CBLB: variants seen among roughly 807,000 people sequenced by gnomAD.
CBLB encodes the protein E3 ubiquitin-protein ligase CBL-B.
Under a neutral mutation model 104.9 loss-of-function variants are expected in CBLB, and 31 were observed. The ratio of observed to expected loss-of-function variants is 0.30; its 90% CI spans 0.22 to 0.40. The LOEUF is 0.40. CBLB is among the 10% of genes least tolerant of loss of function. The pLI is 1.00. For synonymous variants in CBLB, 440 were observed against 422.6 expected, an observed-to-expected ratio of 1.04 and a Z score of -0.51; for missense variants, 1,062 against 1,214.6, an observed-to-expected ratio of 0.87 and a Z score of 1.87.
At chr3:105,768,935 A>T (rs2152948964) in intron 4 of CBLB, among the ~76,000 whole-genome samples, 1 of 152,324 alleles carries the variant, frequency 6.6e-6, no homozygotes, top group Admixed American at 6.5e-5. Context: ...TTAAAAAGAG[A>T]TCAATTTATA....
intron 3 of CBLB, among the ~76,000 whole-genome samples, chr3:105,828,772 A>G (rs2086976868): frequency 6.6e-6 from 1 of 152,164 alleles, no homozygotes; most frequent in African/African-American, 2.4e-5. Flanking sequence ...AATAAACTTT[A>G]TTTTTCAAAC....
intron 10 of CBLB, among the ~76,000 whole-genome samples, chr3:105,719,219 T>G (rs985726016): frequency 1.3e-5 from 2 of 152,236 alleles, no homozygotes; most frequent in Admixed American, 1.3e-4. Context: ...AAATTCAGTT[T>G]CACCATTTCC....
intron 4 of CBLB, among the ~76,000 whole-genome samples, chr3:105,765,485 C>T (rs2078119919): frequency 1.3e-5 from 2 of 152,210 alleles, no homozygotes; most frequent in South Asian, 4.1e-4. Flanking sequence ...TCCTAGCCTT[C>T]AGAACTATGA....
chr3:105,858,736 T>C (rs1420887053), intron 2 of CBLB, among the ~76,000 whole-genome samples: 2 of 152,206 alleles, frequency 1.3e-5, no homozygotes, highest in African/African-American at 4.8e-5. Flanking sequence ...CCTTTTGACG[T>C]GTCAATATTG....
At chr3:105,707,159 G>A (rs889239469) in intron 10 of CBLB, among the ~76,000 whole-genome samples, 1 of 152,160 alleles carries the variant, frequency 6.6e-6, no homozygotes, top group Non-Finnish European at 1.5e-5. Flanking sequence ...CAATGTGTGT[G>A]GCAAAGTAAT....
intron 18 of CBLB, among the ~76,000 whole-genome samples, chr3:105,659,530 T>C (rs2063579547): frequency 6.6e-6 from 1 of 152,078 alleles, no homozygotes; most frequent in Non-Finnish European, 1.5e-5. Context: ...AAGGAAAAAA[T>C]AATTAAAATA....
intron 9 of CBLB, among the ~76,000 whole-genome samples, chr3:105,730,358 A>C (rs1251420128): frequency 6.6e-6 from 1 of 152,144 alleles, no homozygotes; most frequent in Non-Finnish European, 1.5e-5. Flanking sequence ...GTATGATAAA[A>C]GGTCTTTGAA....
chr3:105,711,712 T>C (rs1356999117), intron 10 of CBLB, among the ~76,000 whole-genome samples: 2 of 152,110 alleles, frequency 1.3e-5, no homozygotes, highest in East Asian at 1.9e-4. Flanking sequence ...AACAGGAAAG[T>C]CCTCTGAAGT....
intron 3 of CBLB, among the ~76,000 whole-genome samples, chr3:105,813,330 TG>T (rs1182372263): frequency 6.6e-6 from 1 of 152,078 alleles, no homozygotes; most frequent in Non-Finnish European, 1.5e-5. Context: ...ATGACAGACA[TG>T]GGGATAAAAG....
chr3:105,695,325 C>A (rs1027267776), intron 12 of CBLB, among the ~76,000 whole-genome samples: 2 of 151,816 alleles, frequency 1.3e-5, no homozygotes, highest in African/African-American at 2.4e-5. Context: ...ATTTTATAAT[C>A]AGAACATTAT....
chr3:105,832,673 A>G (rs1288708778), intron 3 of CBLB, among the ~76,000 whole-genome samples: 1 of 152,224 alleles, frequency 6.6e-6, no homozygotes, highest in Non-Finnish European at 1.5e-5. Context: ...ACGAACCATC[A>G]AAGCTCTTGT....
chr3:105,707,819 T>G (rs2070406172), intron 10 of CBLB, among the ~76,000 whole-genome samples: 1 of 152,018 alleles, frequency 6.6e-6, no homozygotes, highest in South Asian at 2.1e-4. Flanking sequence ...TCAGCTCACT[T>G]TAAAGAATAA....
chr3:105,656,925 CAG>C lies in CBLB; in HGVS notation c.*2043_*2044del, dbSNP rs113557110. ...CAAGTGAAAAATCATAATGACAAAA[CAG>C]GGGTTCATAAAGCAAAAGAAAATTT... On this transcript the variant is annotated 3_prime_UTR_variant, in exon 19 of 19. Coordinates refer to ENST00000394030, the MANE Select transcript of CBLB (RefSeq NM_170662.5). 176 of 215,324 alleles carry C rather than the reference CAG, an allele frequency of 8.2e-4. No homozygotes were observed. The highest frequency in any genetic ancestry group is 3.8e-3 in the African/African-American group (169 of 44,420). 13.3% of individuals were successfully genotyped at this position (215,324 alleles called of 1,614,324 possible).
intron 5 of CBLB, among the ~76,000 whole-genome samples, chr3:105,747,542 G>C (rs773671839): frequency 3.9e-5 from 6 of 152,004 alleles, no homozygotes; most frequent in Admixed American, 2.0e-4. Context: ...ATACCTAATT[G>C]GGCAAGAAAG....
chr3:105,670,773 T>G, intron 17 of CBLB: 1 of 181,560 alleles, frequency 5.5e-6, no homozygotes, highest in South Asian at 1.1e-4. Flanking sequence ...TATTATCAAA[T>G]TACTTGATCT....
intron 5 of CBLB, among the ~76,000 whole-genome samples, chr3:105,748,509 G>A (rs947669581): frequency 2.0e-5 from 3 of 152,132 alleles, no homozygotes; most frequent in African/African-American, 7.2e-5. Context: ...TAACAGTGGG[G>A]ATATAGAGGA....
In CBLB at chr3:105,776,413, T is replaced by C. The variant is rs199975867; in HGVS notation, c.549A>G (p.Arg183=). 1.2e-6 allele frequency: 2 copies of C among 1,613,702 alleles called. No homozygotes were observed. Among genetic ancestry groups the C allele is most frequent in the African/African-American group, 2.7e-5 (2 of 75,030 alleles). ...TTACTTACTTGTCTCCAAAAAACTTTCTCCAGAATTCAGCAGCATCTGCTT... is the reference window on the plus strand; with the variant it reads ...TTACTTACTTGTCTCCAAAAAACTTCCTCCAGAATTCAGCAGCATCTGCTT... The part of the protein sequence containing the change: ...ITKADAAEFW[R]KFFGDKTIVP... Residue 183 remains arginine, a synonymous_variant, in exon 4 of 19, where the codon AGA becomes AGG. Transcript: ENST00000394030.
chr3:105,746,578 T>C (rs1218971894), intron 5 of CBLB, among the ~76,000 whole-genome samples: 1 of 152,130 alleles, frequency 6.6e-6, no homozygotes, highest in Non-Finnish European at 1.5e-5. Context: ...TTACTTGAAT[T>C]TTCTTCCCCC....
chr3:105,796,645 A>T (rs1480042514), intron 3 of CBLB, among the ~76,000 whole-genome samples: 4 of 152,270 alleles, frequency 2.6e-5, no homozygotes, highest in Non-Finnish European at 5.9e-5. Flanking sequence ...CAGAGTAAAC[A>T]GACAACCTAC....
Sources: gnomAD v4.1 joint callset for allele counts (sites outside exome capture counted in the v4.1 genomes callset) on GRCh38, gnomAD v4.1.1 for gene constraint, MANE v1.5 for transcripts, NCBI Gene and HGNC (gene_info 2026-07-23, HGNC 2026-07-21) for gene names.